PARD3: variants seen among roughly 807,000 people sequenced by gnomAD.
The protein encoded by PARD3 is par-3 family cell polarity regulator.
PARD3 carries 75 observed loss-of-function variants against 155.4 expected under a neutral mutation model. The ratio of observed to expected loss-of-function variants is 0.48; its 90% CI spans 0.40 to 0.58. PARD3 has a LOEUF of 0.58. Ranked by LOEUF, PARD3 falls within the 20% of genes least tolerant of loss-of-function variation. The pLI is 0.00. For synonymous variants in PARD3, 576 were observed against 610.5 expected, an observed-to-expected ratio of 0.94 and a Z score of 0.83; for missense variants, 1,642 against 1,721.7, an observed-to-expected ratio of 0.95 and a Z score of 0.82.
chr10:34,511,850 C>T (rs1253825728), intron 3 of PARD3, among the ~76,000 whole-genome samples: 1 of 152,110 alleles, frequency 6.6e-6, no homozygotes, highest in Admixed American at 6.6e-5. Context: ...CTCAGCCTCC[C>T]GAGCCACAGC....
At chr10:34,730,026 C>G (rs2094789563) in intron 1 of PARD3, among the ~76,000 whole-genome samples, 2 of 152,096 alleles carry the variant, frequency 1.3e-5, no homozygotes, top group Non-Finnish European at 2.9e-5. Context: ...ACCTAAAGAG[C>G]AATTCATTAA....
chr10:34,685,806 C>G (rs1300182627), intron 2 of PARD3, among the ~76,000 whole-genome samples: 1 of 152,104 alleles, frequency 6.6e-6, no homozygotes, highest in South Asian at 2.1e-4. Context: ...GTTGGCCAGG[C>G]TGGTCTTGAC....
intron 1 of PARD3, among the ~76,000 whole-genome samples, chr10:34,804,096 C>G (rs1843103538): frequency 6.6e-6 from 1 of 150,584 alleles, no homozygotes; most frequent in African/African-American, 2.5e-5. Context: ...TGCAGTGGCA[C>G]GATCTCAGCT....
intron 1 of PARD3, among the ~76,000 whole-genome samples, chr10:34,731,107 A>G (rs1349068900): frequency 8.7e-6 from 1 of 114,940 alleles, no homozygotes; most frequent in Non-Finnish European, 2.0e-5. Flanking sequence ...TCTGTTGAAT[A>G]CGCTATGAGC....
At chr10:34,667,482 G>A (rs2093515765) in intron 2 of PARD3, among the ~76,000 whole-genome samples, 1 of 152,134 alleles carries the variant, frequency 6.6e-6, no homozygotes, top group South Asian at 2.1e-4. Context: ...GATAGTGCAG[G>A]AATTTAAGGC....
At chr10:34,277,446 T>C (rs1375382686) in intron 21 of PARD3, among the ~76,000 whole-genome samples, 1 of 152,172 alleles carries the variant, frequency 6.6e-6, no homozygotes, top group African/African-American at 2.4e-5. Flanking sequence ...AGAGATACTA[T>C]TCCACTAAAT....
At chr10:34,250,308 AAGAG>A (rs950263154) in intron 22 of PARD3, among the ~76,000 whole-genome samples, 26 of 152,228 alleles carry the variant, frequency 1.7e-4, no homozygotes, top group Admixed American at 1.6e-3. Flanking sequence ...GAACGAGAAA[AAGAG>A]AGAAAGTTAA....
In PARD3 at chr10:34,353,422, C is replaced by G. The variant is rs547143143; in HGVS notation, c.2068-5307G>C. Among the ~76,000 whole-genome samples, 10 of 152,320 alleles carry G rather than the reference C, an allele frequency of 6.6e-5. No individual in the cohort carries two copies. In the East Asian group the frequency reaches 1.5e-3, roughly 23 times the overall value. ...TGTTAATCTATAACCTTACCCCCAA[C>G]CCCGTGCTCTCTGAAACATGTGCTG... is the stretch of plus-strand genomic sequence containing the variant. On this transcript the variant is annotated intron_variant, in intron 14 of 24. Coordinates refer to ENST00000374788, the MANE Select transcript of PARD3 (RefSeq NM_001184785.2).
chr10:34,261,771 AG>A (rs1954998511), intron 22 of PARD3, among the ~76,000 whole-genome samples: 1 of 98,626 alleles, frequency 1.0e-5, no homozygotes, highest in Non-Finnish European at 2.4e-5. Context: ...GAAGGAAGGA[AG>A]AAAGAAAGAA....
chr10:34,632,371 G>A (rs373931288), intron 2 of PARD3, among the ~76,000 whole-genome samples: 6 of 152,262 alleles, frequency 3.9e-5, no homozygotes, highest in African/African-American at 7.2e-5. Flanking sequence ...CATCCTCTGC[G>A]CTAAGGAGGC....
intron 1 of PARD3, among the ~76,000 whole-genome samples, chr10:34,781,312 T>C (rs895383967): frequency 2.0e-5 from 3 of 152,338 alleles, no homozygotes; most frequent in Non-Finnish European, 4.4e-5. Flanking sequence ...CATGCAGTCC[T>C]TGGAAGAGCT....
At chr10:34,352,392 C>CCGAG (rs900670490) in intron 14 of PARD3, among the ~76,000 whole-genome samples, 1 of 152,182 alleles carries the variant, frequency 6.6e-6, no homozygotes, top group Non-Finnish European at 1.5e-5. Flanking sequence ...CCCTCTGATG[C>CCGAG]CGAGCCGAGG....
chr10:34,429,027 T>C (rs564011279), intron 5 of PARD3, among the ~76,000 whole-genome samples: 60 of 152,344 alleles, frequency 3.9e-4, no homozygotes, highest in African/African-American at 1.3e-3. Flanking sequence ...TTAGAAGTCA[T>C]AGTCAGAGTA....
chr10:34,773,194 C>T (rs1264586393), intron 1 of PARD3, among the ~76,000 whole-genome samples: 1 of 152,192 alleles, frequency 6.6e-6, no homozygotes, highest in East Asian at 1.9e-4. Flanking sequence ...TCTATAAACG[C>T]TTGCCCCACA....
chr10:34,487,293 T>C (rs144572925), intron 3 of PARD3, among the ~76,000 whole-genome samples: 2,745 of 152,236 alleles, frequency 0.018, 51 homozygotes, highest in Non-Finnish European at 0.023. Flanking sequence ...TTCACTTAGA[T>C]CTGGTACTTT....
chr10:34,377,415 C>A (rs1384947227), intron 10 of PARD3, among the ~76,000 whole-genome samples: 1 of 152,022 alleles, frequency 6.6e-6, no homozygotes, highest in Admixed American at 6.6e-5. Context: ...TGTGGTGAAA[C>A]CCTGTCTCTA....
intron 20 of PARD3, among the ~76,000 whole-genome samples, chr10:34,292,071 T>C (rs1343308922): frequency 1.3e-5 from 2 of 152,158 alleles, no homozygotes; most frequent in Admixed American, 6.6e-5. Context: ...CCTTTCTAAA[T>C]GCAGTGACAC....
At chr10:34,540,817 A>T (rs2083558460) in intron 2 of PARD3, among the ~76,000 whole-genome samples, 2 of 152,046 alleles carry the variant, frequency 1.3e-5, no homozygotes, top group African/African-American at 4.8e-5. Context: ...TTACTTTCTG[A>T]TTTAAATAAG....
chr10:34,159,992 G>C (rs1949197768), intron 22 of PARD3, among the ~76,000 whole-genome samples: 1 of 152,220 alleles, frequency 6.6e-6, no homozygotes, highest in African/African-American at 2.4e-5. Flanking sequence ...CATGTTAATA[G>C]CATCAAGGGT....
Sources: allele counts gnomAD v4.1 joint callset (sites outside exome capture counted in the v4.1 genomes callset), GRCh38; gene constraint gnomAD v4.1.1; transcripts MANE v1.5; gene names NCBI Gene and HGNC (gene_info 2026-07-23, HGNC 2026-07-21).